The following ZNF678 variants were observed in gnomAD, a reference collection of about 807,000 sequenced individuals.
The protein encoded by ZNF678 is zinc finger protein 678.
A neutral mutation model predicts 3.0 loss-of-function variants in ZNF678; 5 were observed. The ratio of observed to expected loss-of-function variants is 1.69; its 90% CI spans 0.88 to 3.56. The LOEUF is 3.56. Ranked by LOEUF, ZNF678 falls within the 30% of genes most tolerant of loss-of-function variation. The pLI, the probability that ZNF678 is intolerant of heterozygous loss-of-function variation, is 0.00. For synonymous variants in ZNF678, 218 were observed against 199.6 expected, an observed-to-expected ratio of 1.09 and a Z score of -0.78; for missense variants, 593 against 605.0, an observed-to-expected ratio of 0.98 and a Z score of 0.21.
At chr1:227,650,757 G>A (rs1400153062) in intron 2 of ZNF678, among the ~76,000 whole-genome samples, 199 bp from the exon 3 acceptor site, 1 of 151,880 alleles carries the variant, frequency 6.6e-6, no homozygotes, top group East Asian at 1.9e-4. Context: ...TTTATTAAGT[G>A]GTTTGTAGTT....
chr1:227,640,717 G>C (rs1658799300), intron 1 of ZNF678, among the ~76,000 whole-genome samples: 1 of 152,188 alleles, frequency 6.6e-6, no homozygotes, highest in Non-Finnish European at 1.5e-5. Context: ...GGTGTTTAGG[G>C]TGGATATCTT....
rs999476009 is a variant in ZNF678, at chr1:227,646,988, G to A, written c.-37+318G>A. Among the ~76,000 whole-genome samples, 9 of 152,158 alleles carry A rather than the reference G, an allele frequency of 5.9e-5. No homozygotes were observed. The South Asian group carries it at 1.9e-3, about 32-fold the overall frequency. On this transcript the variant is annotated intron_variant, in intron 2 of 3. Transcript: ENST00000343776. ...TTTGATTCAGTAGTATTGGGTAGTG[G>A]AGCTGAGAACCTATATGTTTTTGGG...
chr1:227,602,501 C>A (rs1028825446), intron 1 of ZNF678, among the ~76,000 whole-genome samples: 1 of 152,150 alleles, frequency 6.6e-6, no homozygotes, highest in African/African-American at 2.4e-5. Flanking sequence ...GGACCACACA[C>A]CCTATCCTAT....
Position 227,645,197 on chromosome 1 carries a change from T to C in ZNF678, c.-163-1347T>C, listed in dbSNP as rs186911550. On this transcript the variant is annotated intron_variant, in intron 1 of 3. Transcript: ENST00000343776. ...AAGGTCCTTCTGCCTGTGTGTATGG[T>C]CATAGCAGGTGAAGGAGTTGTGCTG... 2.6e-5 allele frequency among the ~76,000 whole-genome samples: 4 copies of C among 152,262 alleles called. No homozygotes were observed. In the East Asian group the frequency reaches 7.7e-4, roughly 29 times the overall value.
chr1:227,636,169 G>A lies in ZNF678; in HGVS notation c.-163-10375G>A, dbSNP rs142765011. 4.9e-3 allele frequency among the ~76,000 whole-genome samples: 739 copies of A among 152,148 alleles called. 6 individuals carry two copies. The highest frequency in any genetic ancestry group is 0.017 in the African/African-American group (704 of 41,492). On this transcript the variant is annotated intron_variant, in intron 1 of 3. Coordinates refer to ENST00000343776, the MANE Select transcript of ZNF678 (RefSeq NM_001367909.1). ...GAGGGGCCCGATGATGAAGATTACT[G>A]CCCCTACCAGTGTTTTAAATCCTCC... is the stretch of plus-strand genomic sequence containing the variant.
At chr1:227,586,891 G>A (rs573546762) in intron 1 of ZNF678, among the ~76,000 whole-genome samples, 2 of 152,322 alleles carry the variant, frequency 1.3e-5, no homozygotes, top group South Asian at 4.1e-4. Context: ...AATTACTGTG[G>A]GGCAGGAATG....
intron 1 of ZNF678, among the ~76,000 whole-genome samples, chr1:227,575,151 T>C (rs1345445450): frequency 6.6e-6 from 1 of 152,218 alleles, no homozygotes; most frequent in Non-Finnish European, 1.5e-5. Flanking sequence ...TGTAGCCCTG[T>C]AGTATAGTTT....
chr1:227,620,445 C>A (rs549045717), intron 1 of ZNF678, among the ~76,000 whole-genome samples: 1 of 152,232 alleles, frequency 6.6e-6, no homozygotes, highest in South Asian at 2.1e-4. Context: ...TGTACTCACC[C>A]TTTTCACTGC....
Position 227,571,028 on chromosome 1 carries a change from A to G in ZNF678, c.-164+7304A>G, listed in dbSNP as rs180758396. 1.3e-4 allele frequency among the ~76,000 whole-genome samples: 20 copies of G among 152,260 alleles called. No homozygotes were observed. In the East Asian group the frequency reaches 3.3e-3, roughly 25 times the overall value. On this transcript the variant is annotated intron_variant, in intron 1 of 3. Transcript: ENST00000343776. ...CAGTTACTCTTAACCATATTTCACA[A>G]AATTTGTATTTTTTAAATTTAGAAA...
chr1:227,564,244 A>T (rs1656611839), intron 1 of ZNF678, among the ~76,000 whole-genome samples: 1 of 152,216 alleles, frequency 6.6e-6, no homozygotes, highest in Admixed American at 6.5e-5. Context: ...CGACAGTTAC[A>T]GTCACCTTAT....
rs546987721 is a variant in ZNF678, at chr1:227,564,889, C to T, written c.-164+1165C>T. Among the ~76,000 whole-genome samples, 3 of 150,152 alleles carry T rather than the reference C, an allele frequency of 2.0e-5. No homozygotes were observed. In the South Asian group the frequency reaches 6.4e-4, roughly 32 times the overall value. The stretch of plus-strand genomic sequence containing the variant: ...TGGGATTACAGACCCGCGCCACCAC[C>T]CCCGGCTAATTTTTGTATTTTTAGT... On this transcript the variant is annotated intron_variant, in intron 1 of 3. Coordinates refer to ENST00000343776, the MANE Select transcript of ZNF678 (RefSeq NM_001367909.1).
chr1:227,601,319 G>A (rs955076056), intron 1 of ZNF678, among the ~76,000 whole-genome samples: 3 of 151,984 alleles, frequency 2.0e-5, no homozygotes, highest in Non-Finnish European at 4.4e-5. Context: ...AAATTGCTTC[G>A]GGCAGTATGA....
At chr1:227,679,544 C>T (rs1659733309), downstream of ZNF678, among the ~76,000 whole-genome samples, 1 of 151,292 alleles carries the variant, frequency 6.6e-6, no homozygotes, top group South Asian at 2.1e-4. Context: ...TCATGACCCC[C>T]TCATGCAGAC....
Position 227,650,102 on chromosome 1 carries a change from G to A in ZNF678, c.-36-854G>A, listed in dbSNP as rs114697317. ...AAAATCATTACCACAACCATATCAAGTAGTTTTTAAAATATATTTTCTTCT... is the reference window on the plus strand; with the variant it reads ...AAAATCATTACCACAACCATATCAAATAGTTTTTAAAATATATTTTCTTCT... On this transcript the variant is annotated intron_variant, in intron 2 of 3. Coordinates refer to ENST00000343776, the MANE Select transcript of ZNF678 (RefSeq NM_001367909.1). Among the ~76,000 whole-genome samples the A allele has an allele frequency of 4.0e-3, 614 of 152,218 alleles. 6 individuals are homozygous for A. The highest frequency in any genetic ancestry group is 0.014 in the African/African-American group (583 of 41,538).
intron 1 of ZNF678, among the ~76,000 whole-genome samples, chr1:227,585,094 A>G (rs954265797): frequency 3.3e-5 from 5 of 152,186 alleles, no homozygotes; most frequent in Non-Finnish European, 4.4e-5. Context: ...TTTTTCTATT[A>G]TGTTTTACTT....
intron 1 of ZNF678, among the ~76,000 whole-genome samples, chr1:227,594,857 CTTAGGTTACT>C (rs2102742629): frequency 6.6e-6 from 1 of 152,162 alleles, no homozygotes; most frequent in South Asian, 2.1e-4. Context: ...CCCTTTTTTC[CTTAGGTTACT>C]TCTGAACTGG....
At chr1:227,568,885 T>C (rs775867254) in intron 1 of ZNF678, among the ~76,000 whole-genome samples, 11 of 152,174 alleles carry the variant, frequency 7.2e-5, no homozygotes, top group Non-Finnish European at 1.0e-4. Flanking sequence ...ACACATCTGG[T>C]GTCAGAAGTT....
rs1264626972 is a variant in ZNF678 at position 227,624,632 on chromosome 1, G to T, written c.-163-21912G>T. On this transcript the variant is annotated intron_variant, in intron 1 of 3. Transcript: ENST00000343776. ...GTTGGCCTCACGGATTCCAAGGAAT[G>T]GAACCTTGGGCCATGCAGTGAGTGT... 2.0e-5 allele frequency among the ~76,000 whole-genome samples: 3 copies of T among 152,318 alleles called. No homozygotes were observed. The Middle Eastern group carries it at 0.01, about 518-fold the overall frequency.
chr1:227,593,051 G>C (rs1657458103), intron 1 of ZNF678, among the ~76,000 whole-genome samples: 1 of 152,258 alleles, frequency 6.6e-6, no homozygotes, highest in Non-Finnish European at 1.5e-5. Context: ...GACGGAAGCT[G>C]GATGGCCCTT....
Sources: allele counts gnomAD v4.1 joint callset (sites outside exome capture counted in the v4.1 genomes callset), GRCh38; gene constraint gnomAD v4.1.1; transcripts MANE v1.5; gene names NCBI Gene and HGNC (gene_info 2026-07-23, HGNC 2026-07-21).